NEK4: variants seen among roughly 807,000 people sequenced by gnomAD.
The protein encoded by NEK4 is NIMA related kinase 4.
In NEK4, 86 loss-of-function variants were observed where a neutral mutation model predicts 98.4. The observed-to-expected ratio is 0.87, with a 90% CI of 0.73 to 1.05. The LOEUF is 1.05. Among genes scored for constraint, NEK4 ranks in the 50% least tolerant of loss-of-function variants. The pLI is 0.00. For synonymous variants in NEK4, 328 were observed against 342.2 expected, an observed-to-expected ratio of 0.96 and a Z score of 0.46; for missense variants, 898 against 950.3, an observed-to-expected ratio of 0.94 and a Z score of 0.72.
chr3:52,732,665 CT>C, intron 15 of NEK4: 1 of 322,758 alleles, frequency 3.1e-6, no homozygotes, highest in Non-Finnish European at 6.3e-6. Context: ...GCACAGAGGG[CT>C]TTATACAGGG....
rs1236947657 is a variant in NEK4, at chr3:52,753,684, A to G, written c.964-1348T>C. ...GCTTTGCCCATAACTAAGCCTACGG[A>G]GCCTGTCCCAGCAGCACAGTCAACA... On this transcript the variant is annotated intron_variant, in intron 6 of 15. Coordinates refer to ENST00000233027, the MANE Select transcript of NEK4 (RefSeq NM_003157.6). 18 of 580,908 alleles carry G rather than the reference A, an allele frequency of 3.1e-5. No individual in the cohort carries two copies. The East Asian group carries it at 8.2e-4, about 27-fold the overall frequency. The allele number at this position is 580,908 out of a possible 1,614,324, so 36.0% of individuals were successfully genotyped here. A position where few individuals can be genotyped will look rare whatever the true frequency, so the allele number is the denominator to read the frequency against.
Position 52,711,484 on chromosome 3 carries a change from A to G in NEK4, c.*293T>C, listed in dbSNP as rs2097350331. On this transcript the variant is annotated 3_prime_UTR_variant, in exon 16 of 16. Coordinates refer to ENST00000233027, the MANE Select transcript of NEK4 (RefSeq NM_003157.6). ...AAGTTAATTAGTACCTTAAAAAAAT[A>G]AAATTCTAAATATAAACTTGGTGGA... is the stretch of plus-strand genomic sequence containing the variant. 1 of 222,458 alleles carries G rather than the reference A, an allele frequency of 4.5e-6. No homozygotes were observed. The highest frequency in any genetic ancestry group is 8.7e-6 in the Non-Finnish European group (1 of 114,894). The allele number at this position is 222,458 out of a possible 1,614,324, so 13.8% of individuals were successfully genotyped here. A position where few individuals can be genotyped will look rare whatever the true frequency, so the allele number is the denominator to read the frequency against.
chr3:52,713,137 G>A (rs2097352006), intron 15 of NEK4, among the ~76,000 whole-genome samples: 1 of 152,132 alleles, frequency 6.6e-6, no homozygotes, highest in Admixed American at 6.6e-5. Flanking sequence ...AGTACTATGT[G>A]ACATTCAATG....
At chr3:52,749,197 A>C (rs1355496592) in intron 8 of NEK4, among the ~76,000 whole-genome samples, 8 of 151,938 alleles carry the variant, frequency 5.3e-5, no homozygotes. Flanking sequence ...CACTGGGTCA[A>C]TCTCAGCTCA....
At chr3:52,723,669 G>A (rs980781057) in intron 15 of NEK4, among the ~76,000 whole-genome samples, 3 of 152,022 alleles carry the variant, frequency 2.0e-5, no homozygotes, top group African/African-American at 7.2e-5. Flanking sequence ...TGAAGAACAG[G>A]AAGAAAAAAG....
At chr3:52,713,916 C>A (rs902399084) in intron 15 of NEK4, among the ~76,000 whole-genome samples, 1 of 152,042 alleles carries the variant, frequency 6.6e-6, no homozygotes, top group Non-Finnish European at 1.5e-5. Flanking sequence ...CAGCATGACA[C>A]CATAAGGAGC....
intron 8 of NEK4, among the ~76,000 whole-genome samples, chr3:52,748,747 G>C (rs2097400391): frequency 6.6e-6 from 1 of 152,120 alleles, no homozygotes; most frequent in African/African-American, 2.4e-5. Flanking sequence ...TTAGCTGAAA[G>C]AATACACTAA....
At chr3:52,737,066 C>T (rs183684066) in intron 15 of NEK4, among the ~76,000 whole-genome samples, 3 of 152,208 alleles carry the variant, frequency 2.0e-5, no homozygotes, top group African/African-American at 4.8e-5. Flanking sequence ...CCTCCCCTGC[C>T]GCTGGGATTA....
intron 15 of NEK4, among the ~76,000 whole-genome samples, chr3:52,719,041 G>A (rs910168817): frequency 5.9e-5 from 9 of 152,238 alleles, no homozygotes; most frequent in African/African-American, 2.2e-4. Context: ...ACAGGGATGA[G>A]CCATCGCGCC....
chr3:52,748,238 A>C (rs962614900), intron 8 of NEK4, among the ~76,000 whole-genome samples: 35 of 152,156 alleles, frequency 2.3e-4, no homozygotes, highest in African/African-American at 8.4e-4. Flanking sequence ...AAGTGCTGGA[A>C]TTACAGGTGT....
intron 15 of NEK4, among the ~76,000 whole-genome samples, chr3:52,720,095 C>T (rs2097358695): frequency 1.3e-5 from 2 of 152,082 alleles, no homozygotes; most frequent in African/African-American, 2.4e-5. Flanking sequence ...CCTGCTTGGC[C>T]AACATGGTGA....
intron 3 of NEK4, 42 bp from the exon 4 acceptor site, chr3:52,766,036 T>C: frequency 6.8e-7 from 1 of 1,464,506 alleles, no homozygotes; most frequent in South Asian, 1.2e-5. Flanking sequence ...TCAGAATAGC[T>C]TATTTACATT....
intron 6 of NEK4, among the ~76,000 whole-genome samples, chr3:52,760,421 T>C (rs994348874): frequency 1.3e-5 from 2 of 152,214 alleles, no homozygotes; most frequent in Admixed American, 6.5e-5. Context: ...TTCACCATGT[T>C]GGCCAGGCTG....
intron 15 of NEK4, among the ~76,000 whole-genome samples, chr3:52,729,315 G>T (rs2097367419): frequency 6.6e-6 from 1 of 152,078 alleles, no homozygotes; most frequent in African/African-American, 2.4e-5. Flanking sequence ...GACATTTATG[G>T]AAAATAGAAA....
chr3:52,755,151 CAG>C (rs1238423168), intron 6 of NEK4, among the ~76,000 whole-genome samples: 3 of 138,816 alleles, frequency 2.2e-5, no homozygotes, highest in African/African-American at 7.9e-5. Context: ...AAGCCAGAAA[CAG>C]AAAGACAAAT....
In NEK4 at chr3:52,711,677, CAGT is replaced by C. The variant is rs1220442524; in HGVS notation, c.*97_*99del. The C allele has an allele frequency of 1.8e-5, 13 of 704,776 alleles. No individual in the cohort carries two copies. The highest frequency in any genetic ancestry group is 3.1e-5 in the Non-Finnish European group (12 of 393,096). 43.7% of individuals were successfully genotyped at this position (704,776 alleles called of 1,614,324 possible). On this transcript the variant is annotated 3_prime_UTR_variant, in exon 16 of 16. Transcript: ENST00000233027. ...AGAGATATAAAAAAGAGATATAAAA[CAGT>C]GGTGAGTGGCTTCCAAATGACTGTT...
chr3:52,753,588 T>C, intron 6 of NEK4: 1 of 563,256 alleles, frequency 1.8e-6, no homozygotes, highest in Non-Finnish European at 3.6e-6. Flanking sequence ...CTGAAAACAT[T>C]GGCAGGGGAT....
rs1026770483 is a variant in NEK4, at chr3:52,757,257, A to C, written c.963+3538T>G. Among the ~76,000 whole-genome samples the C allele has an allele frequency of 2.0e-5, 3 of 152,350 alleles. No individual in the cohort carries two copies. The South Asian group carries it at 6.2e-4, about 32-fold the overall frequency. On this transcript the variant is annotated intron_variant, in intron 6 of 15. Coordinates refer to ENST00000233027, the MANE Select transcript of NEK4 (RefSeq NM_003157.6). ...TCCACTTCTGGTTATATACCCAACA[A>C]AAGAGAAATCAGGGTCTTAGCTGGG...
chr3:52,746,242 T>C (rs765388387), intron 9 of NEK4, 32 bp from the exon 10 acceptor site: 1 of 1,601,872 alleles, frequency 6.2e-7, no homozygotes, highest in Admixed American at 1.7e-5. Flanking sequence ...ATTATCAGTT[T>C]CATATATAGC....
Sources: gnomAD v4.1 joint callset for allele counts (sites outside exome capture counted in the v4.1 genomes callset) on GRCh38, gnomAD v4.1.1 for gene constraint, MANE v1.5 for transcripts, NCBI Gene and HGNC (gene_info 2026-07-23, HGNC 2026-07-21) for gene names.